SLC30A9: variants seen among roughly 807,000 people sequenced by gnomAD.
SLC30A9 encodes the protein proton-coupled zinc antiporter SLC30A9, mitochondrial.
In SLC30A9, 58 loss-of-function variants were observed where a neutral mutation model predicts 87.5. That is an observed-to-expected ratio of 0.66 (90% confidence interval 0.54 to 0.82). The LOEUF (loss-of-function observed/expected upper bound fraction) is 0.82. Among genes scored for constraint, SLC30A9 ranks in the 40% least tolerant of loss-of-function variants. SLC30A9 has a pLI of 0.00. For synonymous variants in SLC30A9, 234 were observed against 233.0 expected (o/e 1.00, Z -0.04); for missense variants, 557 against 679.1 (o/e 0.82, Z 2.00).
intron 8 of SLC30A9, among the ~76,000 whole-genome samples, chr4:42,042,390 T>G (rs969530100): frequency 1.3e-5 from 2 of 151,926 alleles, no homozygotes; most frequent in African/African-American, 4.8e-5. Context: ...GAGTTGGGGG[T>G]TGGGGACCAC....
At chr4:42,057,425 G>T (rs553772909) in intron 9 of SLC30A9, among the ~76,000 whole-genome samples, 1 of 152,314 alleles carries the variant, frequency 6.6e-6, no homozygotes, top group East Asian at 1.9e-4. Flanking sequence ...AACACCACGT[G>T]GAAGCTGCCA....
chr4:42,034,516 C>T (rs768633595), intron 6 of SLC30A9, among the ~76,000 whole-genome samples: 30 of 151,956 alleles, frequency 2.0e-4, no homozygotes, highest in Non-Finnish European at 1.3e-4. Flanking sequence ...TAAGTGGAGT[C>T]ATACAGTGTA....
chr4:42,079,865 C>T lies in SLC30A9; in HGVS notation c.1662+1540C>T, dbSNP rs1036120052. Among the ~76,000 whole-genome samples, 3 of 152,264 alleles carry T rather than the reference C, an allele frequency of 2.0e-5. No individual in the cohort carries two copies. The East Asian group carries it at 5.8e-4, about 29-fold the overall frequency. ...ACTCCTGACCTTGTGATGTGCCCACCTCAGCCTCCCAAAGTGCTGGGATTA... is the reference window on the plus strand; with the variant it reads ...ACTCCTGACCTTGTGATGTGCCCACTTCAGCCTCCCAAAGTGCTGGGATTA... On this transcript the variant is annotated intron_variant, in intron 17 of 17. Transcript: ENST00000264451.
At chr4:42,045,357 A>G (rs1717104310) in intron 8 of SLC30A9, among the ~76,000 whole-genome samples, 2 of 152,052 alleles carry the variant, frequency 1.3e-5, no homozygotes, top group South Asian at 4.1e-4. Context: ...CAAATAGACA[A>G]CAATGAAAAA....
intron 2 of SLC30A9, 86 bp from the exon 3 acceptor site, chr4:42,018,025 C>A: frequency 2.8e-6 from 2 of 713,764 alleles, no homozygotes; most frequent in Non-Finnish European, 4.9e-6. Context: ...TTATGCATTG[C>A]TATATTACAT....
At chr4:42,035,124 C>T in intron 6 of SLC30A9, 151 bp from the exon 7 acceptor site, 1 of 621,304 alleles carries the variant, frequency 1.6e-6, no homozygotes, top group Non-Finnish European at 2.6e-6. Context: ...ATTTTTTAAT[C>T]AGTTTACAAA....
At chr4:42,009,478 TA>T (rs779157387) in intron 2 of SLC30A9, among the ~76,000 whole-genome samples, 5 of 152,246 alleles carry the variant, frequency 3.3e-5, no homozygotes, top group Non-Finnish European at 7.3e-5. Context: ...AAATTAGTTT[TA>T]ATTTTGCTAA....
intron 17 of SLC30A9, among the ~76,000 whole-genome samples, chr4:42,079,212 T>G (rs1302238135): frequency 6.6e-6 from 1 of 152,148 alleles, no homozygotes; most frequent in Non-Finnish European, 1.5e-5. Context: ...TTATTGATAT[T>G]TACCAAATCA....
intron 2 of SLC30A9, among the ~76,000 whole-genome samples, chr4:42,002,424 C>T (rs1715024661): frequency 1.3e-5 from 2 of 151,842 alleles, no homozygotes. Context: ...GCTGCCCTCT[C>T]TCTCTCTCCC....
chr4:41,993,169 T>A (rs73810456), intron 1 of SLC30A9, among the ~76,000 whole-genome samples: 7,287 of 150,482 alleles, frequency 0.048, 250 homozygotes, highest in African/African-American at 0.077. Context: ...TAACGAAATT[T>A]ATATATTTTA....
At chr4:42,030,077 A>G (rs1716359176) in intron 6 of SLC30A9, 1 of 864,648 alleles carries the variant, frequency 1.2e-6, no homozygotes, top group Non-Finnish European at 1.7e-6. Flanking sequence ...AGTGAGAAAG[A>G]TGGTTTTCAG....
At chr4:42,033,478 CA>C (rs1290523127) in intron 6 of SLC30A9, among the ~76,000 whole-genome samples, 2 of 151,874 alleles carry the variant, frequency 1.3e-5, no homozygotes, top group Non-Finnish European at 2.9e-5. Flanking sequence ...TTTTCCTTAC[CA>C]AAAATTTAAA....
intron 6 of SLC30A9, among the ~76,000 whole-genome samples, chr4:42,025,073 T>C (rs544851324): frequency 6.8e-6 from 1 of 147,570 alleles, no homozygotes; most frequent in South Asian, 2.2e-4. Flanking sequence ...AATAACCTTT[T>C]AATGCCCATC....
chr4:42,027,721 A>G (rs1381964344), intron 6 of SLC30A9, among the ~76,000 whole-genome samples: 1 of 152,220 alleles, frequency 6.6e-6, no homozygotes, highest in East Asian at 1.9e-4. Context: ...AGAATTTAAG[A>G]TGGAATATAT....
At chr4:42,066,899 T>C (rs993508730) in intron 13 of SLC30A9, among the ~76,000 whole-genome samples, 186 bp from the exon 14 acceptor site, 2 of 152,232 alleles carry the variant, frequency 1.3e-5, no homozygotes, top group East Asian at 3.8e-4. Context: ...GTATCAGTTA[T>C]TGTTGACATT....
chr4:41,991,084 C>G (rs983083659), intron 1 of SLC30A9, among the ~76,000 whole-genome samples: 1 of 152,294 alleles, frequency 6.6e-6, no homozygotes, highest in South Asian at 2.1e-4. Context: ...TTACTCACCT[C>G]CGCGGTTGGA....
intron 8 of SLC30A9, among the ~76,000 whole-genome samples, chr4:42,044,921 GC>G (rs1305470155): frequency 5.3e-5 from 8 of 152,018 alleles, no homozygotes; most frequent in African/African-American, 1.9e-4. Context: ...TCAAAACCGC[GC>G]AACTACATGG....
intron 1 of SLC30A9, among the ~76,000 whole-genome samples, chr4:41,999,363 G>A (rs1714880331): frequency 6.6e-6 from 1 of 152,172 alleles, no homozygotes; most frequent in Non-Finnish European, 1.5e-5. Context: ...AATAAAATTG[G>A]TATCATCACT....
rs762839225 is a variant in SLC30A9, at chr4:42,020,526, TA to T, written c.434+17del. 3.5e-6 allele frequency: 5 copies of T among 1,434,662 alleles called. No homozygotes were observed. Among genetic ancestry groups the T allele is most frequent in the Admixed American group, 1.7e-5 (1 of 57,832 alleles). 88.9% of individuals were successfully genotyped at this position (1,434,662 alleles called of 1,614,324 possible). A position where few individuals can be genotyped will look rare whatever the true frequency, so the allele number is the denominator to read the frequency against. On this transcript the variant is annotated intron_variant, in intron 4 of 17. Coordinates refer to ENST00000264451, the MANE Select transcript of SLC30A9 (RefSeq NM_006345.4). ...CTGCCTCAAATCCAGGTAATTTTTTTAAAAAATGTAGCCGTGTGTCATATCT... is the reference window on the plus strand; with the variant it reads ...CTGCCTCAAATCCAGGTAATTTTTTTAAAAATGTAGCCGTGTGTCATATCT...
Sources: allele counts gnomAD v4.1 joint callset (sites outside exome capture counted in the v4.1 genomes callset), GRCh38; gene constraint gnomAD v4.1.1; transcripts MANE v1.5; gene names NCBI Gene and HGNC (gene_info 2026-07-23, HGNC 2026-07-21).